Variants in BCKDHB observed in about 807,000 individuals in gnomAD.
BCKDHB encodes the protein 2-oxoisovalerate dehydrogenase subunit beta, mitochondrial.
A neutral mutation model predicts 48.5 loss-of-function variants in BCKDHB; 41 were observed. The observed-to-expected ratio is 0.85, with a 90% CI of 0.66 to 1.10. The LOEUF is 1.10. BCKDHB is among the 50% of genes least tolerant of loss of function. The probability of loss-of-function intolerance (pLI) is 0.00; values close to 1 mark genes in which losing one functional copy is unlikely to be tolerated. For missense variants in BCKDHB, 496 were observed against 494.2 expected (o/e 1.00, Z -0.03); for synonymous variants, 201 against 174.8 (o/e 1.15, Z -1.18).
chr6:80,426,300 G>C, the BCKDHB span, among the ~76,000 whole-genome samples: 1 of 152,006 alleles, frequency 6.6e-6, no homozygotes, highest in East Asian at 1.9e-4. Context: ...CTGGGACTTA[G>C]CTTCATTTAT....
At chr6:80,444,857 A>T in the BCKDHB span, among the ~76,000 whole-genome samples, 1 of 152,202 alleles carries the variant, frequency 6.6e-6, no homozygotes, top group Non-Finnish European at 1.5e-5. Context: ...TTGTTTCAGA[A>T]ATGTTAGTGC....
chr6:80,426,987 C>T, the BCKDHB span, among the ~76,000 whole-genome samples: 2 of 152,016 alleles, frequency 1.3e-5, no homozygotes, highest in Admixed American at 1.3e-4. Flanking sequence ...ATATTTGCTT[C>T]ATATACTTTA....
the BCKDHB span, among the ~76,000 whole-genome samples, chr6:80,390,364 A>G: frequency 2.0e-5 from 3 of 152,202 alleles, no homozygotes; most frequent in Non-Finnish European, 2.9e-5. Context: ...GCTGAAGGCA[A>G]AGGGAATACA....
the BCKDHB span, among the ~76,000 whole-genome samples, chr6:80,416,178 A>G: frequency 1.3e-5 from 2 of 149,428 alleles, no homozygotes; most frequent in African/African-American, 4.9e-5. Context: ...TAGTCTAGCT[A>G]GTGGTCTACC....
intron 3 of BCKDHB, among the ~76,000 whole-genome samples, chr6:80,135,090 A>G (rs1770819257): frequency 6.6e-6 from 1 of 152,136 alleles, no homozygotes; most frequent in Admixed American, 6.6e-5. Context: ...GGGTGTTAGC[A>G]AAATCTTTGC....
the BCKDHB span, among the ~76,000 whole-genome samples, chr6:80,373,235 A>C: frequency 6.6e-6 from 1 of 152,272 alleles, no homozygotes; most frequent in Non-Finnish European, 1.5e-5. Context: ...TTGTGCACAT[A>C]AAGGTGTTCA....
the BCKDHB span, among the ~76,000 whole-genome samples, chr6:80,378,711 A>G: frequency 8.5e-5 from 13 of 152,154 alleles, no homozygotes; most frequent in Admixed American, 2.6e-4. Context: ...GGATATCGCC[A>G]TACTGTTTTC....
At chr6:80,368,987 TG>T in the BCKDHB span, among the ~76,000 whole-genome samples, 7,538 of 145,804 alleles carry the variant, frequency 0.052, 583 homozygotes, top group African/African-American at 0.16. Flanking sequence ...CACTCCAGCT[TG>T]GGTGACAGAG....
chr6:80,314,604 C>A (rs2127998736), intron 9 of BCKDHB, among the ~76,000 whole-genome samples: 1 of 152,320 alleles, frequency 6.6e-6, no homozygotes, highest in East Asian at 1.9e-4. Flanking sequence ...AGCAGTCTGG[C>A]AATGCCTCAA....
intron 9 of BCKDHB, among the ~76,000 whole-genome samples, chr6:80,330,003 C>T (rs923258245): frequency 4.0e-5 from 6 of 151,878 alleles, no homozygotes; most frequent in African/African-American, 7.3e-5. Context: ...CCTAAAGGCT[C>T]GTGGAGAAGG....
At chr6:80,303,113 G>C (rs111455666) in intron 9 of BCKDHB, among the ~76,000 whole-genome samples, 40 of 152,114 alleles carry the variant, frequency 2.6e-4, no homozygotes, top group African/African-American at 9.4e-4. Flanking sequence ...TGAACTCAAA[G>C]GGTAATTCTT....
the BCKDHB span, among the ~76,000 whole-genome samples, chr6:80,418,083 C>T: frequency 7.9e-5 from 12 of 152,124 alleles, no homozygotes; most frequent in African/African-American, 2.9e-4. Flanking sequence ...GAGAGCTCAT[C>T]TTCAAGCTCT....
intron 9 of BCKDHB, among the ~76,000 whole-genome samples, chr6:80,318,970 A>G (rs564230661): frequency 6.6e-6 from 1 of 152,322 alleles, no homozygotes; most frequent in East Asian, 1.9e-4. Context: ...AAGGGTTGAC[A>G]TATGTGTATA....
Position 80,339,346 on chromosome 6 carries a change from G to A in BCKDHB, c.1039-4318G>A, listed in dbSNP as rs1485839135. On this transcript the variant is annotated intron_variant, in intron 9 of 9. Transcript: ENST00000320393. ...AATTTGTGCTTGTCCTCTCTTACCT[G>A]CTAGAAAATTTAAAGGTTGTCTGTC... Among the ~76,000 whole-genome samples the A allele has an allele frequency of 2.0e-5, 3 of 152,084 alleles. No homozygotes were observed. In the East Asian group the frequency reaches 5.8e-4, roughly 29 times the overall value.
rs115465056 is a variant in BCKDHB at position 80,300,109 on chromosome 6, C to T, written c.1038+26888C>T. Among the ~76,000 whole-genome samples the T allele has an allele frequency of 6.1e-3, 920 of 151,606 alleles. 9 individuals are homozygous for T. The highest frequency in any genetic ancestry group is 0.021 in the African/African-American group (868 of 41,284). ...TCCCACTGCCCAGACTGGAGCGTAG[C>T]GCTATGATCTCAGCCCACTGCATCC... On this transcript the variant is annotated intron_variant, in intron 9 of 9. Transcript: ENST00000320393.
intron 8 of BCKDHB, among the ~76,000 whole-genome samples, chr6:80,247,112 A>G (rs1319021621): frequency 6.6e-6 from 1 of 152,206 alleles, no homozygotes; most frequent in African/African-American, 2.4e-5. Flanking sequence ...GTCCTTTTGG[A>G]CCATCAAAAC....
chr6:80,230,026 GTTTTTTTTTTTTTTTTTTT>G (rs551632775), intron 8 of BCKDHB, among the ~76,000 whole-genome samples: 1 of 60,660 alleles, frequency 1.6e-5, no homozygotes, highest in African/African-American at 6.9e-5. Flanking sequence ...TTTTTAGGTT[GTTTTTTTTTTTTTTTTTTT>G]TTTTTTTTTT....
chr6:80,232,825 T>C (rs1465542533), intron 8 of BCKDHB, among the ~76,000 whole-genome samples: 1 of 151,506 alleles, frequency 6.6e-6, no homozygotes, highest in Non-Finnish European at 1.5e-5. Flanking sequence ...TTGTGCGTTC[T>C]CTTTCTTTAT....
chr6:80,153,160 G>A (rs547915967), intron 3 of BCKDHB, among the ~76,000 whole-genome samples: 7 of 126,218 alleles, frequency 5.5e-5, no homozygotes, highest in Middle Eastern at 4.5e-3. Flanking sequence ...AAGGTGAGCC[G>A]TGGCCAGGCT....
Sources: allele counts gnomAD v4.1 joint callset (sites outside exome capture counted in the v4.1 genomes callset), GRCh38; gene constraint gnomAD v4.1.1; transcripts MANE v1.5; gene names NCBI Gene and HGNC (gene_info 2026-07-23, HGNC 2026-07-21).